TMED2: variants seen among roughly 807,000 people sequenced by gnomAD.
TMED2 encodes transmembrane p24 trafficking protein 2, also known as transmembrane emp24 domain-containing protein 2.
TMED2 carries 3 observed loss-of-function variants against 17.5 expected under a neutral mutation model. That is an observed-to-expected ratio of 0.17 (90% CI 0.08 to 0.44). The LOEUF is 0.44. Ranked by LOEUF, TMED2 falls within the 20% of genes least tolerant of loss-of-function variation. TMED2 has a pLI of 0.99. For missense variants in TMED2, 149 were observed against 254.8 expected (o/e 0.58, Z 2.83); for synonymous variants, 95 against 91.0 (o/e 1.04, Z -0.25).
At chr12:123,585,356 C>G (rs1593635799) in intron 1 of TMED2, among the ~76,000 whole-genome samples, 1 of 152,184 alleles carries the variant, frequency 6.6e-6, no homozygotes, top group African/African-American at 2.4e-5. Context: ...AGGTTCTACT[C>G]TTTACGCCTC....
intron 2 of TMED2, among the ~76,000 whole-genome samples, chr12:123,589,791 G>C (rs947410487): frequency 4.6e-5 from 7 of 151,542 alleles, no homozygotes; most frequent in Admixed American, 2.6e-4. Context: ...TTTTCAAAAA[G>C]AGATTGCCCC....
intron 3 of TMED2, among the ~76,000 whole-genome samples, chr12:123,594,367 C>T (rs566005133): frequency 1.4e-4 from 22 of 151,868 alleles, no homozygotes; most frequent in Non-Finnish European, 2.8e-4. Context: ...ATCTCCTGAC[C>T]TCGTGATCCA....
intron 2 of TMED2, 63 bp downstream of exon 2, chr12:123,587,002 T>C: frequency 7.0e-7 from 1 of 1,432,798 alleles, no homozygotes; most frequent in Non-Finnish European, 9.3e-7. Context: ...TCTATACATT[T>C]TTACCTGTCT....
chr12:123,586,192 A>C (rs1339844233), intron 1 of TMED2: 1 of 152,200 alleles, frequency 6.6e-6, no homozygotes, highest in African/African-American at 2.4e-5. Context: ...TGAGGGGTTT[A>C]ATAAGGATAA....
At chr12:123,593,702 G>A (rs191126517) in intron 3 of TMED2, among the ~76,000 whole-genome samples, 2 of 152,272 alleles carry the variant, frequency 1.3e-5, no homozygotes, top group Admixed American at 6.5e-5. Context: ...GTTTCACCAC[G>A]TTGGCCAGGA....
At position 123,584,615 on chromosome 12, in the gene TMED2, T is replaced by A; in HGVS notation, c.-22T>A. Reference sequence around the variant, plus strand: ...GCTGTGGAGGCCGCAGTCCGGGTCCTGGCTTCGGCCTCAGCCCCACCATGG... The same window carrying A: ...GCTGTGGAGGCCGCAGTCCGGGTCCAGGCTTCGGCCTCAGCCCCACCATGG... On this transcript the variant is annotated 5_prime_UTR_variant, in exon 1 of 4. Transcript: ENST00000262225. 3 of 1,601,690 alleles carry A rather than the reference T, an allele frequency of 1.9e-6. No individual in the cohort carries two copies. The highest frequency in any genetic ancestry group is 2.5e-6 in the Non-Finnish European group (3 of 1,176,988).
chr12:123,595,815 G>C (rs1953426723), intron 3 of TMED2, among the ~76,000 whole-genome samples: 1 of 152,080 alleles, frequency 6.6e-6, no homozygotes, highest in Non-Finnish European at 1.5e-5. Flanking sequence ...GATCAGTTGA[G>C]GCCAGGAGTT....
chr12:123,595,508 C>T lies in TMED2; in HGVS notation c.482-1097C>T, dbSNP rs374727835. On this transcript the variant is annotated intron_variant, in intron 3 of 3. Coordinates refer to ENST00000262225, the MANE Select transcript of TMED2 (RefSeq NM_006815.4). The stretch of plus-strand genomic sequence containing the variant: ...TTGGGGAAAAAGACACTCAGACTGC[C>T]ATATTTTGATGTTGTAAATAATTGC... Among the ~76,000 whole-genome samples the T allele has an allele frequency of 2.2e-3, 334 of 152,218 alleles. 3 individuals carry two copies. The Middle Eastern group carries it at 0.024, about 11-fold the overall frequency.
rs564970585 is a variant in TMED2, at chr12:123,584,912, C to T, written c.180+96C>T. ...GCGCGGGGCCTGTGTGGGGAGTGGG[C>T]TTGGAAGTCGCTGTCCGAGTCCTGG... On this transcript the variant is annotated intron_variant, in intron 1 of 3. Coordinates refer to ENST00000262225, the MANE Select transcript of TMED2 (RefSeq NM_006815.4). 13 of 1,471,386 alleles carry T rather than the reference C, an allele frequency of 8.8e-6. No homozygotes were observed. In the Admixed American group the frequency reaches 2.4e-4, roughly 27 times the overall value. The allele number at this position is 1,471,386 out of a possible 1,614,324, so 91.1% of individuals were successfully genotyped here.
rs186650994 is a variant in TMED2 at position 123,592,060 on chromosome 12, A to C, written c.481+1611A>C. On this transcript the variant is annotated intron_variant, in intron 3 of 3. Transcript: ENST00000262225. ...AATCTTCAGGATCTAGAGCACAGAC[A>C]TCAGCTTGTGTTGGCAGGAAGGTGT... Among the ~76,000 whole-genome samples the C allele has an allele frequency of 6.6e-5, 10 of 152,356 alleles. No homozygotes were observed. The East Asian group carries it at 1.9e-3, about 29-fold the overall frequency.
intron 3 of TMED2, among the ~76,000 whole-genome samples, chr12:123,591,686 G>T (rs1285245941): frequency 6.6e-6 from 1 of 152,166 alleles, no homozygotes; most frequent in Non-Finnish European, 1.5e-5. Flanking sequence ...GGAGGCTGAG[G>T]CAGGAGAATC....
At chr12:123,590,782 G>A (rs1380077185) in intron 3 of TMED2, among the ~76,000 whole-genome samples, 1 of 151,948 alleles carries the variant, frequency 6.6e-6, no homozygotes, top group Non-Finnish European at 1.5e-5. Context: ...TTGGGAGTTC[G>A]AGACCAGCCT....
intron 3 of TMED2, among the ~76,000 whole-genome samples, chr12:123,594,006 A>G (rs1566166593): frequency 1.4e-5 from 2 of 147,346 alleles, no homozygotes; most frequent in South Asian, 4.3e-4. Context: ...GGGTTTCTCC[A>G]TATTGCCCAG....
At chr12:123,593,562 G>A (rs780723684) in intron 3 of TMED2, among the ~76,000 whole-genome samples, 1 of 152,242 alleles carries the variant, frequency 6.6e-6, no homozygotes, top group South Asian at 2.1e-4. Flanking sequence ...TGGATTGGGT[G>A]TTAACCCTAG....
intron 1 of TMED2, among the ~76,000 whole-genome samples, chr12:123,585,384 C>G (rs988230163): frequency 2.0e-5 from 3 of 152,208 alleles, no homozygotes; most frequent in African/African-American, 7.2e-5. Context: ...CTCGTTTAGT[C>G]TCTTCTGCCA....
rs531933840 is a variant in TMED2 at position 123,587,591 on chromosome 12, A to G, written c.373+652A>G. 672 of 1,276,162 alleles carry G rather than the reference A, an allele frequency of 5.3e-4. 2 individuals are homozygous for G. The highest frequency in any genetic ancestry group is 9.0e-4 in the Admixed American group (36 of 40,218). 79.1% of individuals were successfully genotyped at this position (1,276,162 alleles called of 1,614,324 possible). ...TTTTGTTGGTTCTTTTTGTGTTAAG[A>G]TATCTTAACTTTTCTTTAGGTGGTG... On this transcript the variant is annotated intron_variant, in intron 2 of 3. Transcript: ENST00000262225.
rs754440867 is a variant in TMED2, at chr12:123,596,576, ATTTT to A, written c.482-28_482-25del. On this transcript the variant is annotated intron_variant, in intron 3 of 3. Transcript: ENST00000262225. ...TGTCTTTTTGGGGGAGAATTGTTAA[ATTTT>A]GTTTGTTTGTTTTGTCCTCAACAGT... 18 of 1,579,270 alleles carry A rather than the reference ATTTT, an allele frequency of 1.1e-5. No homozygotes were observed. In the South Asian group the frequency reaches 2.0e-4, roughly 17 times the overall value.
intron 2 of TMED2, among the ~76,000 whole-genome samples, 193 bp downstream of exon 2, chr12:123,587,132 T>C (rs535479635): frequency 2.0e-5 from 3 of 152,304 alleles, no homozygotes; most frequent in Non-Finnish European, 4.4e-5. Flanking sequence ...GTTTGTTTTT[T>C]TGTTGTTCTT....
intron 3 of TMED2, among the ~76,000 whole-genome samples, chr12:123,591,200 G>C (rs578221547): frequency 1.2e-4 from 18 of 152,222 alleles, no homozygotes; most frequent in Admixed American, 1.2e-3. Context: ...AGTTAGACTA[G>C]AAAACACCAA....
Sources: allele counts gnomAD v4.1 joint callset (sites outside exome capture counted in the v4.1 genomes callset), GRCh38; gene constraint gnomAD v4.1.1; transcripts MANE v1.5; gene names NCBI Gene and HGNC (gene_info 2026-07-23, HGNC 2026-07-21).